Variants in TBCD observed in about 807,000 individuals in gnomAD.
TBCD encodes the protein tubulin folding cofactor D.
A neutral mutation model predicts 169.3 loss-of-function variants in TBCD; 105 were observed. The ratio of observed to expected loss-of-function variants is 0.62; its 90% CI spans 0.53 to 0.73. The LOEUF (loss-of-function observed/expected upper bound fraction) is 0.73. TBCD is among the 30% of genes least tolerant of loss of function. The probability of loss-of-function intolerance (pLI) is 0.00; values close to 1 mark genes in which losing one functional copy is unlikely to be tolerated. For missense variants in TBCD, 1,444 were observed against 1,600.1 expected (o/e 0.90, Z 1.66); for synonymous variants, 700 against 643.9 (o/e 1.09, Z -1.32).
Position 82,832,696 on chromosome 17 carries a change from CCT to C in TBCD, c.1318+17764_1318+17765del. The C allele has an allele frequency of 7.2e-6, 4 of 555,756 alleles. No homozygotes were observed. The highest frequency in any genetic ancestry group is 1.3e-5 in the Non-Finnish European group (4 of 311,032). 34.4% of individuals were successfully genotyped at this position (555,756 alleles called of 1,614,324 possible). A position where few individuals can be genotyped will look rare whatever the true frequency, so the allele number is the denominator to read the frequency against. ...GAGTGAGGGGTCGGCGAGAAGCCGG[CCT>C]CGGCTCGCCACAGTGCCACAGGATC... On this transcript the variant is annotated intron_variant, in intron 13 of 38. Coordinates refer to ENST00000355528, the MANE Select transcript of TBCD (RefSeq NM_005993.5). This position sits in a 1 kb window ranked among gnomAD's most constrained non-coding sequence, Gnocchi z 4.9.
At chr17:82,807,553 G>T in intron 10 of TBCD, 55 bp from the exon 11 acceptor site, 2 of 1,389,576 alleles carry the variant, frequency 1.4e-6, no homozygotes, top group Non-Finnish European at 9.4e-7. Flanking sequence ...CTTACAGCTG[G>T]GAAACTAGGA....
intron 13 of TBCD, among the ~76,000 whole-genome samples, chr17:82,815,822 G>A (rs1020725060): frequency 1.3e-5 from 2 of 152,104 alleles, no homozygotes; most frequent in Non-Finnish European, 2.9e-5. Flanking sequence ...TGATGTATGG[G>A]GAGAGCTTTT....
intron 37 of TBCD, among the ~76,000 whole-genome samples, chr17:82,939,711 T>G (rs2062951252): frequency 6.6e-6 from 1 of 152,200 alleles, no homozygotes; most frequent in Non-Finnish European, 1.5e-5. Context: ...AGCAAAGCCA[T>G]CCATCCCACC....
At chr17:82,908,149 G>A in intron 21 of TBCD, 1 of 397,352 alleles carries the variant, frequency 2.5e-6, no homozygotes, top group South Asian at 2.1e-5. Context: ...GGTTTCGGCT[G>A]CAGCTGGAGT....
At chr17:82,752,694 T>TC (rs1276422111) in intron 1 of TBCD, among the ~76,000 whole-genome samples, 1 of 152,050 alleles carries the variant, frequency 6.6e-6, no homozygotes, top group Non-Finnish European at 1.5e-5. Flanking sequence ...GTCCCCCGTC[T>TC]CCGTCACTGG....
Position 82,870,393 on chromosome 17 carries a change from G to A in TBCD, c.1475+13G>A, listed in dbSNP as rs551950411. On this transcript the variant is annotated intron_variant, in intron 14 of 38. Transcript: ENST00000355528. ...CTGCAATCTCGAGGTAGGCCCATTC[G>A]TCGAGGTACATCGGATGCGCCGTGC... The A allele has an allele frequency of 3.6e-5, 58 of 1,610,530 alleles. No individual in the cohort carries two copies. Among genetic ancestry groups the A allele is most frequent in the African/African-American group, 2.4e-4 (18 of 75,002 alleles).
chr17:82,791,847 G>A (rs894853235), intron 7 of TBCD, among the ~76,000 whole-genome samples: 1 of 150,270 alleles, frequency 6.7e-6, no homozygotes. Context: ...TAGATGGTGT[G>A]GCCTGCTGCT....
intron 2 of TBCD, among the ~76,000 whole-genome samples, chr17:82,757,932 G>A (rs766881487): frequency 2.0e-5 from 3 of 152,246 alleles, no homozygotes; most frequent in African/African-American, 4.8e-5. Context: ...ACAAGGTAGC[G>A]GGTGGTGTTT....
chr17:82,923,057 C>T lies in TBCD; in HGVS notation c.2179-595C>T, dbSNP rs2061511752. ...GGTCTCCTGCTGTCCGGCCCCAACT[C>T]CTGTTCCCAGTGCGCCCCCGGAGCC... On this transcript the variant is annotated intron_variant, in intron 25 of 38. Coordinates refer to ENST00000355528, the MANE Select transcript of TBCD (RefSeq NM_005993.5). The surrounding 1 kb of genome is among the most constrained non-coding windows in gnomAD (Gnocchi z 4.6). Among the ~76,000 whole-genome samples, 1 of 152,224 alleles carries T rather than the reference C, an allele frequency of 6.6e-6. No homozygotes were observed. Among genetic ancestry groups the T allele is most frequent in the Non-Finnish European group, 1.5e-5 (1 of 68,044 alleles).
At position 82,767,526 on chromosome 17, in the gene TBCD, CTG is replaced by C. The variant is rs538550482; in HGVS notation, c.436-892_436-891del. Among the ~76,000 whole-genome samples, 301 of 152,216 alleles carry C rather than the reference CTG, an allele frequency of 2.0e-3. 1 individual carries two copies. Among genetic ancestry groups the C allele is most frequent in the South Asian group, 0.019 (90 of 4,816 alleles). On this transcript the variant is annotated intron_variant, in intron 4 of 38. Transcript: ENST00000355528. ...GCACAATCTTGGCTCACTGCAACCT[CTG>C]TCTCCCAGGTTCAAGCGATTCTCCT... is the stretch of plus-strand genomic sequence containing the variant.
intron 13 of TBCD, among the ~76,000 whole-genome samples, chr17:82,853,447 G>C (rs1308280033): frequency 6.6e-6 from 1 of 151,748 alleles, no homozygotes; most frequent in African/African-American, 2.4e-5. Context: ...CTGTTGCCCA[G>C]GCTGGAGTGC....
chr17:82,917,525 T>C (rs1281531671), intron 23 of TBCD, among the ~76,000 whole-genome samples: 1 of 152,206 alleles, frequency 6.6e-6, no homozygotes, highest in Non-Finnish European at 1.5e-5. Context: ...ATGAAAAGCA[T>C]CTCCACCAAG....
At chr17:82,772,596 C>T in intron 6 of TBCD, 89 bp downstream of exon 6, 1 of 1,392,788 alleles carries the variant, frequency 7.2e-7, no homozygotes, top group Non-Finnish European at 1.0e-6. Context: ...CGTCTTCAGT[C>T]CTCAGACGAA....
rs2051743364 is a variant in TBCD, at chr17:82,814,937, G to A, written c.1318+3G>A. 6.2e-7 allele frequency: 1 copy of A among 1,611,374 alleles called. No individual in the cohort carries two copies. Among genetic ancestry groups the A allele is most frequent in the Non-Finnish European group, 8.5e-7 (1 of 1,179,270 alleles). On this transcript the variant is annotated splice_donor_region_variant and intron_variant, in intron 13 of 38. Coordinates refer to ENST00000355528, the MANE Select transcript of TBCD (RefSeq NM_005993.5). ...GCTGCCGTCTCGACTCGTGGATGGTGAGTAGCTGAGGCACGGTCAGGGGGG... is the reference window on the plus strand; with the variant it reads ...GCTGCCGTCTCGACTCGTGGATGGTAAGTAGCTGAGGCACGGTCAGGGGGG...
intron 36 of TBCD, among the ~76,000 whole-genome samples, chr17:82,938,750 C>T (rs760549069): frequency 1.4e-4 from 20 of 143,592 alleles, no homozygotes; most frequent in Non-Finnish European, 3.0e-4. Flanking sequence ...AGAGAGCAGG[C>T]GAGATTGCTT....
At chr17:82,921,601 G>A (rs1458554860) in intron 25 of TBCD, 24 bp downstream of exon 25, 5 of 1,611,218 alleles carry the variant, frequency 3.1e-6, no homozygotes, top group East Asian at 2.2e-5. Context: ...GGGCGTTCCC[G>A]GCCGGCGCTG....
chr17:82,871,884 T>C (rs1478361787), intron 14 of TBCD, among the ~76,000 whole-genome samples: 1 of 152,106 alleles, frequency 6.6e-6, no homozygotes, highest in Non-Finnish European at 1.5e-5. Flanking sequence ...CACCCGGGTG[T>C]AAGCGCCACT....
Position 82,880,553 on chromosome 17 carries a change from G to GAC in TBCD, c.1476-3591_1476-3590insCA, listed in dbSNP as rs2058283128. Among the ~76,000 whole-genome samples the GAC allele has an allele frequency of 6.6e-6, 1 of 152,250 alleles. No individual in the cohort carries two copies. Among genetic ancestry groups the GAC allele is most frequent in the Non-Finnish European group, 1.5e-5 (1 of 68,044 alleles). Reference sequence around the variant, plus strand: ...TTGTTGTTGTTTACGTGGAGGAACTGAAAGACCTGGGTGTGCTGCTGGATG... The same window carrying GAC: ...TTGTTGTTGTTTACGTGGAGGAACTGACAAAGACCTGGGTGTGCTGCTGGATG... On this transcript the variant is annotated intron_variant, in intron 14 of 38. Coordinates refer to ENST00000355528, the MANE Select transcript of TBCD (RefSeq NM_005993.5). This position sits in a 1 kb window ranked among gnomAD's most constrained non-coding sequence, Gnocchi z 5.0.
At position 82,889,020 on chromosome 17, in the gene TBCD, G is replaced by C. The variant is rs1292573734; in HGVS notation, c.1534-648G>C. On this transcript the variant is annotated intron_variant, in intron 15 of 38. Coordinates refer to ENST00000355528, the MANE Select transcript of TBCD (RefSeq NM_005993.5). This position sits in a 1 kb window ranked among gnomAD's most constrained non-coding sequence, Gnocchi z 5.3. ...TGCTTTTGGGAAGGACGGGGCACCA[G>C]CTGGTGACACATGGGAAGGGAGGTG... is the stretch of plus-strand genomic sequence containing the variant. 6.6e-6 allele frequency among the ~76,000 whole-genome samples: 1 copy of C among 152,234 alleles called. No individual in the cohort carries two copies. The highest frequency in any genetic ancestry group is 1.5e-5 in the Non-Finnish European group (1 of 68,030).
Sources: allele counts gnomAD v4.1 joint callset (sites outside exome capture counted in the v4.1 genomes callset), GRCh38; gene constraint gnomAD v4.1.1; non-coding constraint Gnocchi (gnomAD v3.1); transcripts MANE v1.5; gene names NCBI Gene and HGNC (gene_info 2026-07-23, HGNC 2026-07-21).